Variants in NDST3 observed in about 807,000 individuals in gnomAD.
NDST3 encodes N-deacetylase and N-sulfotransferase 3.
NDST3 carries 58 observed loss-of-function variants against 96.1 expected under a neutral mutation model. The observed-to-expected ratio is 0.60, with a 90% CI of 0.49 to 0.75. NDST3 has a LOEUF of 0.75. NDST3 is among the 30% of genes least tolerant of loss of function. The probability of loss-of-function intolerance (pLI) is 0.00; values close to 1 mark genes in which losing one functional copy is unlikely to be tolerated. For missense variants in NDST3, 788 were observed against 1,034.2 expected (o/e 0.76, Z 3.27); for synonymous variants, 333 against 359.7 (o/e 0.93, Z 0.84).
intron 12 of NDST3, among the ~76,000 whole-genome samples, chr4:118,249,296 T>C (rs942878220): frequency 6.6e-6 from 1 of 152,322 alleles, no homozygotes; most frequent in East Asian, 1.9e-4. Context: ...TTTTGATCAC[T>C]TGAATACTTA....
chr4:118,105,629 T>A (rs1487891430), intron 3 of NDST3, among the ~76,000 whole-genome samples: 2 of 152,224 alleles, frequency 1.3e-5, no homozygotes, highest in Non-Finnish European at 2.9e-5. Flanking sequence ...GTCTATAGGT[T>A]ATAATTCTTT....
chr4:118,245,746 TG>T (rs751337864), intron 12 of NDST3, among the ~76,000 whole-genome samples: 9 of 152,162 alleles, frequency 5.9e-5, no homozygotes, highest in Non-Finnish European at 1.0e-4. Context: ...TTTAAGTGGT[TG>T]TAACAGTTCA....
At chr4:118,090,244 C>T (rs1183644656) in intron 2 of NDST3, among the ~76,000 whole-genome samples, 3 of 151,962 alleles carry the variant, frequency 2.0e-5, no homozygotes, top group Non-Finnish European at 4.4e-5. Flanking sequence ...TTTGATCCTA[C>T]TTTTTTCACA....
intron 2 of NDST3, among the ~76,000 whole-genome samples, chr4:118,075,672 G>T (rs1233829823): frequency 6.6e-6 from 1 of 152,166 alleles, no homozygotes; most frequent in Non-Finnish European, 1.5e-5. Flanking sequence ...TTTTTCATGT[G>T]TCTGTTGGTT....
At chr4:118,090,864 A>G (rs551498722) in intron 2 of NDST3, among the ~76,000 whole-genome samples, 1 of 152,026 alleles carries the variant, frequency 6.6e-6, no homozygotes, top group East Asian at 1.9e-4. Flanking sequence ...GTTTTATGAA[A>G]GGGTCTGATT....
At position 118,054,230 on chromosome 4, in the gene NDST3, A is replaced by C; in HGVS notation, c.320A>C (p.His107Pro). 6.2e-7 allele frequency: 1 copy of C among 1,612,978 alleles called. No homozygotes were observed. The highest frequency in any genetic ancestry group is 8.5e-7 in the Non-Finnish European group (1 of 1,179,398). The change falls in exon 2 of 14, where the codon CAC becomes CCC. Residue 107 changes from histidine (H) to proline (P), a missense_variant. Transcript: ENST00000296499. ...MILESSRFQY[H>P]IEIAPGKGDL... ...CTAGAATCAAGTAGATTCCAGTATCACATTGAAATTGCCCCTGGAAAGGGA... is the reference window on the plus strand; with the variant it reads ...CTAGAATCAAGTAGATTCCAGTATCCCATTGAAATTGCCCCTGGAAAGGGA...
rs1336379433 is a variant in NDST3 at position 118,085,118 on chromosome 4, G to A, written c.982-19900G>A. On this transcript the variant is annotated intron_variant, in intron 2 of 13. Transcript: ENST00000296499. ...AGCCTGGGCGACAGAGCGAGACTCCGTAAAAACAACAACAACAACAACAAC... is the reference window on the plus strand; with the variant it reads ...AGCCTGGGCGACAGAGCGAGACTCCATAAAAACAACAACAACAACAACAAC... Among the ~76,000 whole-genome samples the A allele has an allele frequency of 2.4e-4, 19 of 79,066 alleles. No homozygotes were observed. The Admixed American group carries it at 3.0e-3, about 12-fold the overall frequency. The allele number at this position is 79,066 out of a possible 152,430, so 51.9% of individuals were successfully genotyped here.
intron 3 of NDST3, among the ~76,000 whole-genome samples, chr4:118,110,218 C>T (rs1276774420): frequency 1.3e-5 from 2 of 152,136 alleles, no homozygotes; most frequent in East Asian, 3.9e-4. Context: ...CCTGTACATT[C>T]TAATTATATT....
chr4:118,046,904 G>C (rs1249909543), intron 1 of NDST3, among the ~76,000 whole-genome samples: 2 of 119,116 alleles, frequency 1.7e-5, no homozygotes, highest in Non-Finnish European at 3.8e-5. Flanking sequence ...CTTCGGACCA[G>C]GGAGCCCTGC....
chr4:118,230,276 A>AATT (rs1740183294), intron 8 of NDST3, among the ~76,000 whole-genome samples: 1 of 152,122 alleles, frequency 6.6e-6, no homozygotes, highest in African/African-American at 2.4e-5. Context: ...TCACCAGAAA[A>AATT]TTTATTAGAA....
chr4:118,054,256 G>T lies in NDST3; in HGVS notation c.346G>T (p.Asp116Tyr). ...CATTGAAATTGCCCCTGGAAAGGGA[G>T]ATCTCCCAGTGCTTATAGACAAAAT... The part of the protein sequence containing the change: ...YHIEIAPGKG[D>Y]LPVLIDKMKG... The change falls in exon 2 of 14, where the codon GAT (aspartate) becomes TAT (tyrosine). Residue 116 changes from aspartate to tyrosine, a missense_variant. Around this residue, in one of 3 missense-constraint regions of NDST3, gnomAD observed 234 missense variants for 256.9 expected, o/e 0.91. Transcript: ENST00000296499. 1 of 1,612,730 alleles carries T rather than the reference G, an allele frequency of 6.2e-7. No homozygotes were observed. Among genetic ancestry groups the T allele is most frequent in the Non-Finnish European group, 8.5e-7 (1 of 1,179,348 alleles).
chr4:118,139,979 T>G (rs574572332), intron 5 of NDST3, among the ~76,000 whole-genome samples: 43 of 152,310 alleles, frequency 2.8e-4, no homozygotes, highest in Non-Finnish European at 5.0e-4. Flanking sequence ...AACCTTTTAA[T>G]CTTTCTAAAA....
At chr4:118,124,731 CACTCATCTCTTTTCCGGAGATGAGTA>C (rs1032157249) in intron 4 of NDST3, among the ~76,000 whole-genome samples, 18 of 152,094 alleles carry the variant, frequency 1.2e-4, no homozygotes, top group Non-Finnish European at 2.5e-4. Context: ...AAACACCATA[CACTCATCTCTTTTCCGGAGATGAGTA>C]ACTCCAGAGT....
At chr4:118,144,259 C>A (rs930631022) in intron 6 of NDST3, among the ~76,000 whole-genome samples, 2 of 152,074 alleles carry the variant, frequency 1.3e-5, no homozygotes, top group South Asian at 4.2e-4. Context: ...CGGCTCACTG[C>A]AAGCTCCGCC....
chr4:118,195,695 T>C (rs1163614417), intron 6 of NDST3, among the ~76,000 whole-genome samples: 1 of 152,258 alleles, frequency 6.6e-6, no homozygotes, highest in African/African-American at 2.4e-5. Flanking sequence ...GATTTTTGTA[T>C]GTTGGTTTTG....
chr4:118,088,135 A>T (rs922857393), intron 2 of NDST3, among the ~76,000 whole-genome samples: 1 of 152,228 alleles, frequency 6.6e-6, no homozygotes, highest in South Asian at 2.1e-4. Flanking sequence ...AATGACAGAC[A>T]TGTAAGTAAG....
At position 118,160,421 on chromosome 4, in the gene NDST3, C is replaced by A. The variant is rs937835572; in HGVS notation, c.1539+16737C>A. The stretch of plus-strand genomic sequence containing the variant: ...AAATATTTGCAAACTATACATCTGA[C>A]AAAGGTCCAATAGCCAGTATCTATA... On this transcript the variant is annotated intron_variant, in intron 6 of 13. Transcript: ENST00000296499. Among the ~76,000 whole-genome samples the A allele has an allele frequency of 9.9e-4, 147 of 149,228 alleles. 1 individual carries two copies. Among genetic ancestry groups the A allele is most frequent in the Admixed American group, 2.7e-4 (4 of 14,964 alleles).
chr4:118,056,473 G>A (rs937419499), intron 2 of NDST3, among the ~76,000 whole-genome samples: 1 of 151,866 alleles, frequency 6.6e-6, no homozygotes, highest in African/African-American at 2.4e-5. Context: ...CTAACTAAAT[G>A]CTTTTTTAAA....
chr4:118,155,716 GGTTTACA>G (rs1199809865), intron 6 of NDST3, among the ~76,000 whole-genome samples: 1 of 151,986 alleles, frequency 6.6e-6, no homozygotes, highest in Non-Finnish European at 1.5e-5. Flanking sequence ...TATGTCATTT[GGTTTACA>G]GTTTCAGTTT....
Sources: gnomAD v4.1 joint callset for allele counts (sites outside exome capture counted in the v4.1 genomes callset) on GRCh38, gnomAD v4.1.1 for gene constraint, gnomAD v4.1.1 regional missense constraint, MANE v1.5 for transcripts, NCBI Gene and HGNC (gene_info 2026-07-23, HGNC 2026-07-21) for gene names.